CTNND1: variants seen among roughly 807,000 people sequenced by gnomAD.
CTNND1 encodes catenin delta 1, also known as catenin delta-1.
Under a neutral mutation model 112.1 loss-of-function variants are expected in CTNND1, and 16 were observed. The observed-to-expected ratio is 0.14, with a 90% CI of 0.10 to 0.22. The LOEUF (loss-of-function observed/expected upper bound fraction) is 0.22. Among genes scored for constraint, CTNND1 ranks in the 10% least tolerant of loss-of-function variants. The pLI, the probability that CTNND1 is intolerant of heterozygous loss-of-function variation, is 1.00. For missense variants in CTNND1, 1,008 were observed against 1,257.0 expected, an observed-to-expected ratio of 0.80 and a Z score of 3.00; for synonymous variants, 420 against 446.5, an observed-to-expected ratio of 0.94 and a Z score of 0.75.
rs546976614 is a variant in CTNND1, at chr11:57,795,133, C to G, written c.268-444C>G. On this transcript the variant is annotated intron_variant, in intron 4 of 20. Transcript: ENST00000399050. ...TGCTTGAGCCTGGGAGGTTGGGGCT[C>G]CAGTGAGCTATGATCATGCCACTGC... 1.6e-4 allele frequency among the ~76,000 whole-genome samples: 24 copies of G among 152,248 alleles called. 1 individual carries two copies. The South Asian group carries it at 2.7e-3, about 17-fold the overall frequency.
chr11:57,770,886 C>A (rs1387421544), intron 1 of CTNND1, among the ~76,000 whole-genome samples: 2 of 151,954 alleles, frequency 1.3e-5, no homozygotes, highest in Non-Finnish European at 2.9e-5. Context: ...TTTAAAATAG[C>A]CTATTTTAAA....
At position 57,808,294 on chromosome 11, in the gene CTNND1, T is replaced by C. The variant is rs759058261; in HGVS notation, c.2091+2T>C. ...AACTTGTGTGCTGGGCGCTGGACGG[T>C]ACCTTTTAGAAAAGGGATTTGGAGA... On this transcript the variant is annotated splice_donor_variant, in intron 13 of 20. Transcript: ENST00000399050. LOFTEE classifies it high-confidence loss of function. The C allele has an allele frequency of 6.2e-7, 1 of 1,607,292 alleles. No homozygotes were observed. The highest frequency in any genetic ancestry group is 8.5e-7 in the Non-Finnish European group (1 of 1,174,370).
chr11:57,767,959 G>C (rs574302436), intron 1 of CTNND1, among the ~76,000 whole-genome samples: 1 of 150,920 alleles, frequency 6.6e-6, no homozygotes, highest in Admixed American at 6.6e-5. Flanking sequence ...TCAGCCTCCC[G>C]AGTAGCTGGG....
rs557842997 is a variant in CTNND1 at position 57,777,675 on chromosome 11, A to G, written c.-213-11362A>G. Among the ~76,000 whole-genome samples, 235 of 152,198 alleles carry G rather than the reference A, an allele frequency of 1.5e-3. 2 individuals carry two copies. The highest frequency in any genetic ancestry group is 2.9e-3 in the Non-Finnish European group (200 of 68,028). ...TACTACTTCTAGCAGATCTAAGAAGATGAAAGGAATCTAGGAAAAATAAAG... is the reference window on the plus strand; with the variant it reads ...TACTACTTCTAGCAGATCTAAGAAGGTGAAAGGAATCTAGGAAAAATAAAG... On this transcript the variant is annotated intron_variant, in intron 1 of 20. Transcript: ENST00000399050.
chr11:57,805,715 C>T (rs2062588020), intron 9 of CTNND1, among the ~76,000 whole-genome samples, 167 bp from the exon 10 acceptor site: 1 of 152,148 alleles, frequency 6.6e-6, no homozygotes, highest in Non-Finnish European at 1.5e-5. Flanking sequence ...CCTGAGGCTA[C>T]CGGGATTTCA....
At chr11:57,810,860 G>A (rs1216540905) in intron 16 of CTNND1, among the ~76,000 whole-genome samples, 1 of 151,970 alleles carries the variant, frequency 6.6e-6, no homozygotes, top group Non-Finnish European at 1.5e-5. Context: ...AGGAGGCTGA[G>A]GTGGGAGGAT....
chr11:57,810,913 C>T (rs2063268641), intron 16 of CTNND1, among the ~76,000 whole-genome samples: 1 of 151,292 alleles, frequency 6.6e-6, no homozygotes, highest in Admixed American at 6.6e-5. Context: ...GCCGACATCA[C>T]ACTGCTGCAC....
chr11:57,767,567 T>A (rs917724031), intron 1 of CTNND1, among the ~76,000 whole-genome samples: 1 of 152,098 alleles, frequency 6.6e-6, no homozygotes, highest in Non-Finnish European at 1.5e-5. Context: ...CATAACATAA[T>A]GATTAAGAGT....
In CTNND1 at chr11:57,805,934, G is replaced by A. The variant is rs1007964888; in HGVS notation, c.1775G>A (p.Arg592Gln). 14 of 1,613,468 alleles carry A rather than the reference G, an allele frequency of 8.7e-6. No individual in the cohort carries two copies. The highest frequency in any genetic ancestry group is 9.3e-6 in the Non-Finnish European group (11 of 1,179,726). Reference protein sequence around the residue: ...LLRNLSYQVHREIPQAERYQE... With the variant: ...LLRNLSYQVHQEIPQAERYQE... ...CGGAACTTATCATATCAAGTTCACC[G>A]GGAGATCCCACAGGCAGAGCGTTAC... Residue 592 changes from arginine to glutamine, a missense_variant, in exon 10 of 21, where the codon CGG becomes CAG. Transcript: ENST00000399050.
chr11:57,805,996 C>T lies in CTNND1; in HGVS notation c.1837C>T (p.Pro613Ser), dbSNP rs377568553. The T allele has an allele frequency of 1.0e-4, 169 of 1,611,722 alleles. No individual in the cohort carries two copies. Among genetic ancestry groups the T allele is most frequent in the Non-Finnish European group, 1.4e-4 (162 of 1,178,870 alleles). ...AAPNVANNTG[P>S]HAASCFGAKK... is the part of the protein sequence containing the mutation. The stretch of plus-strand genomic sequence containing the variant: ...TCCCAATGTTGCCAACAATACTGGG[C>T]CACATGCTGCCAGTTGCTTTGGGGC... Residue 613 changes from proline (P) to serine (S), a missense_variant, in exon 10 of 21, where the codon CCA (proline) becomes TCA (serine). By Grantham distance (74) the Pro-to-Ser change is moderately conservative. Around this residue, in one of 5 missense-constraint regions of CTNND1, gnomAD observed 254 missense variants for 279.5 expected, o/e 0.91. Transcript: ENST00000399050.
chr11:57,782,927 G>A (rs1284846557), intron 1 of CTNND1, among the ~76,000 whole-genome samples: 2 of 152,206 alleles, frequency 1.3e-5, no homozygotes, highest in Admixed American at 6.5e-5. Context: ...CAGGGACTTG[G>A]AATTAACAGA....
chr11:57,804,114 G>C, intron 8 of CTNND1: 1 of 224,242 alleles, frequency 4.5e-6, no homozygotes. Context: ...TCCTGGACTT[G>C]TGTGTGTCTA....
intron 1 of CTNND1, among the ~76,000 whole-genome samples, chr11:57,775,688 G>A (rs80351879): frequency 6.8e-4 from 103 of 151,990 alleles, no homozygotes; most frequent in African/African-American, 2.3e-3. Context: ...AAAAGGAAGC[G>A]CTGGCTTCCT....
intron 6 of CTNND1, 57 bp from the exon 7 acceptor site, chr11:57,801,676 C>T (rs1159146828): frequency 6.9e-7 from 1 of 1,443,764 alleles, no homozygotes; most frequent in Non-Finnish European, 9.5e-7. Context: ...TGGGAATGTC[C>T]AGGAAGCTAG....
At chr11:57,762,173 T>A in intron 1 of CTNND1, 54 bp downstream of exon 1, 1 of 816,532 alleles carries the variant, frequency 1.2e-6, no homozygotes, top group Non-Finnish European at 1.5e-6. Context: ...TGAGTAACTT[T>A]TAAGCAATTA....
intron 9 of CTNND1, among the ~76,000 whole-genome samples, chr11:57,805,325 G>A (rs1028454912): frequency 3.3e-5 from 5 of 151,900 alleles, no homozygotes; most frequent in African/African-American, 1.2e-4. Context: ...GGCTCATTGC[G>A]ACCTCTCCCT....
intron 12 of CTNND1, among the ~76,000 whole-genome samples, chr11:57,807,343 T>TG (rs1300798236): frequency 6.6e-6 from 1 of 152,118 alleles, no homozygotes; most frequent in Non-Finnish European, 1.5e-5. Flanking sequence ...CAGTGGCTCA[T>TG]GCCTGCAATC....
Position 57,809,387 on chromosome 11 carries a change from A to T in CTNND1, c.2356A>T (p.Ile786Phe). ...ISILNTINEV[I>F]AENLEAAKKL... ...TATTTTGAACACTATCAACGAGGTT[A>T]TCGCTGAGAACTTGGAGGCTGCCAA... The change falls in exon 15 of 21, where the codon ATC becomes TTC. Residue 786 changes from isoleucine (I) to phenylalanine (F), a missense_variant. This residue lies in a region of CTNND1 where 254 missense variants were observed against 279.5 expected (regional missense o/e 0.91). Transcript: ENST00000399050. 6.2e-7 allele frequency: 1 copy of T among 1,614,008 alleles called. No homozygotes were observed.
intron 20 of CTNND1, 100 bp downstream of exon 20, chr11:57,816,101 G>C: frequency 8.4e-7 from 1 of 1,196,786 alleles, no homozygotes; most frequent in Non-Finnish European, 1.2e-6. Flanking sequence ...CAGAGACTAA[G>C]TAGTCTCAGC....
Sources: gnomAD v4.1 joint callset for allele counts (sites outside exome capture counted in the v4.1 genomes callset) on GRCh38, gnomAD v4.1.1 for gene constraint, gnomAD v4.1.1 regional missense constraint, MANE v1.5 for transcripts, NCBI Gene and HGNC (gene_info 2026-07-23, HGNC 2026-07-21) for gene names.